Variants in PDGFC observed in about 807,000 individuals in gnomAD.
PDGFC encodes platelet derived growth factor C.
Under a neutral mutation model 35.5 loss-of-function variants are expected in PDGFC, and 12 were observed. The observed-to-expected ratio is 0.34, with a 90% CI of 0.22 to 0.55. The LOEUF is 0.55. PDGFC is among the 20% of genes least tolerant of loss of function. The pLI is 0.91. For missense variants in PDGFC, 322 were observed against 412.4 expected (o/e 0.78, Z 1.90); for synonymous variants, 159 against 148.8 (o/e 1.07, Z -0.50).
At chr4:156,806,753 A>T (rs1241485527) in intron 3 of PDGFC, among the ~76,000 whole-genome samples, 1 of 152,110 alleles carries the variant, frequency 6.6e-6, no homozygotes, top group East Asian at 1.9e-4. Context: ...ATTCTGGAGC[A>T]AAAGTTATTA....
chr4:156,926,928 T>C (rs1184987640), intron 1 of PDGFC, among the ~76,000 whole-genome samples: 1 of 152,164 alleles, frequency 6.6e-6, no homozygotes, highest in Non-Finnish European at 1.5e-5. Flanking sequence ...TAGCAGAGGT[T>C]CTCCATGACA....
At chr4:156,810,680 T>C (rs1266412560) in intron 3 of PDGFC, among the ~76,000 whole-genome samples, 157 bp downstream of exon 3, 1 of 152,082 alleles carries the variant, frequency 6.6e-6, no homozygotes, top group Admixed American at 6.6e-5. Flanking sequence ...AATGAATTGC[T>C]GGCTTGGCAT....
At chr4:156,862,755 T>C (rs1417613558) in intron 1 of PDGFC, among the ~76,000 whole-genome samples, 2 of 151,054 alleles carry the variant, frequency 1.3e-5, no homozygotes, top group Admixed American at 6.6e-5. Context: ...CCAGGCTGAG[T>C]GTAGTCTCTG....
rs187066063 is a variant in PDGFC at position 156,828,105 on chromosome 4, C to T, written c.315-17088G>A. 9.4e-4 allele frequency among the ~76,000 whole-genome samples: 143 copies of T among 152,322 alleles called. 2 individuals are homozygous for T. Among genetic ancestry groups the T allele is most frequent in the African/African-American group, 3.1e-3 (130 of 41,564 alleles). On this transcript the variant is annotated intron_variant, in intron 2 of 5. Coordinates refer to ENST00000502773, the MANE Select transcript of PDGFC (RefSeq NM_016205.3). ...TACCTCTTTCTCACTCTGTCACTTT[C>T]ACAAAACTCTTCCAAAGTGCTGACG...
intron 3 of PDGFC, among the ~76,000 whole-genome samples, chr4:156,786,261 G>A (rs570315743): frequency 8.4e-4 from 128 of 152,258 alleles, no homozygotes; most frequent in African/African-American, 3.0e-3. Context: ...TATTCTATTG[G>A]AGAAAAACAG....
At chr4:156,791,347 T>C (rs2110882136) in intron 3 of PDGFC, among the ~76,000 whole-genome samples, 1 of 152,358 alleles carries the variant, frequency 6.6e-6, no homozygotes, top group Non-Finnish European at 1.5e-5. Context: ...ACAATTATTA[T>C]TGTTGATATC....
chr4:156,928,037 A>T (rs182524806), intron 1 of PDGFC, among the ~76,000 whole-genome samples: 2 of 152,292 alleles, frequency 1.3e-5, no homozygotes, highest in South Asian at 2.1e-4. Flanking sequence ...AGGAAGATAC[A>T]AAAGCGGAAA....
chr4:156,898,268 C>G (rs1730683093), intron 1 of PDGFC, among the ~76,000 whole-genome samples: 1 of 152,118 alleles, frequency 6.6e-6, no homozygotes, highest in Non-Finnish European at 1.5e-5. Flanking sequence ...TCTTGGACTT[C>G]CCAGCCTCAA....
At chr4:156,928,159 G>A (rs940248438) in intron 1 of PDGFC, among the ~76,000 whole-genome samples, 5 of 152,214 alleles carry the variant, frequency 3.3e-5, no homozygotes, top group Non-Finnish European at 7.4e-5. Context: ...CCCACAACAC[G>A]TAGGAATTAT....
chr4:156,924,895 G>A (rs768547734), intron 1 of PDGFC, among the ~76,000 whole-genome samples: 8 of 152,186 alleles, frequency 5.3e-5, no homozygotes, highest in African/African-American at 1.9e-4. Flanking sequence ...CAGCAAAAAA[G>A]AGGCTCAAGC....
At chr4:156,915,056 C>T (rs991964111) in intron 1 of PDGFC, among the ~76,000 whole-genome samples, 8 of 152,036 alleles carry the variant, frequency 5.3e-5, no homozygotes, top group African/African-American at 1.7e-4. Flanking sequence ...CTCTCCAAAA[C>T]CACACACACA....
At chr4:156,788,177 C>T (rs1355645291) in intron 3 of PDGFC, among the ~76,000 whole-genome samples, 3 of 151,702 alleles carry the variant, frequency 2.0e-5, no homozygotes, top group Non-Finnish European at 4.4e-5. Context: ...GATAAGAAGT[C>T]AAACTAAGCA....
At chr4:156,770,112 T>C (rs1339579440) in intron 4 of PDGFC, 3 of 152,036 alleles carry the variant, frequency 2.0e-5, no homozygotes, top group Admixed American at 1.3e-4. Flanking sequence ...GTGAACTTAG[T>C]TGTGATACCT....
In PDGFC at chr4:156,850,411, G is replaced by A; in HGVS notation, c.124C>T (p.Gln42Ter). Residue 42 changes from glutamine (Q) to a stop codon, truncating the protein, a stop_gained, in exon 2 of 6, where the codon CAA becomes TAA. Transcript: ENST00000502773. LOFTEE classifies it high-confidence loss of function. The part of the protein sequence containing the change: ...FSSNKEQNGV[Q>*]DPQHERIITV... ...ATAATTCTCTCATGCTGAGGATCTT[G>A]TACTCCTAAAGCAAAAAACATAGAC... is the stretch of plus-strand genomic sequence containing the variant. 6.3e-7 allele frequency: 1 copy of A among 1,574,880 alleles called. No individual in the cohort carries two copies. Among genetic ancestry groups the A allele is most frequent in the Non-Finnish European group, 8.6e-7 (1 of 1,157,182 alleles).
chr4:156,844,963 T>A (rs1341422948), intron 2 of PDGFC, among the ~76,000 whole-genome samples: 1 of 151,946 alleles, frequency 6.6e-6, no homozygotes, highest in Non-Finnish European at 1.5e-5. Flanking sequence ...AATACACTAC[T>A]GCAAAAACAT....
At chr4:156,937,977 T>C (rs770192280) in intron 1 of PDGFC, among the ~76,000 whole-genome samples, 1 of 152,146 alleles carries the variant, frequency 6.6e-6, no homozygotes, top group Non-Finnish European at 1.5e-5. Flanking sequence ...TTAATATTGA[T>C]ACATTTACAA....
In PDGFC at chr4:156,952,540, A is replaced by G. The variant is rs80185146; in HGVS notation, c.118+18246T>C. On this transcript the variant is annotated intron_variant, in intron 1 of 5. Coordinates refer to ENST00000502773, the MANE Select transcript of PDGFC (RefSeq NM_016205.3). ...TTTAACCTGGTATCTACTGCAGTACAAAGAGCTAAGTCACACACAAAACGT... is the reference window on the plus strand; with the variant it reads ...TTTAACCTGGTATCTACTGCAGTACGAAGAGCTAAGTCACACACAAAACGT... 6.0e-3 allele frequency among the ~76,000 whole-genome samples: 913 copies of G among 151,984 alleles called. 13 individuals are homozygous for G. Among genetic ancestry groups the G allele is most frequent in the African/African-American group, 0.021 (870 of 41,550 alleles).
At chr4:156,921,840 G>C (rs539794173) in intron 1 of PDGFC, among the ~76,000 whole-genome samples, 3 of 152,180 alleles carry the variant, frequency 2.0e-5, no homozygotes, top group African/African-American at 7.2e-5. Flanking sequence ...TAGCTGCCTT[G>C]TCAATATTCT....
At chr4:156,783,994 T>A (rs1422446005) in intron 3 of PDGFC, among the ~76,000 whole-genome samples, 1 of 152,142 alleles carries the variant, frequency 6.6e-6, no homozygotes, top group Admixed American at 6.5e-5. Context: ...AACTATGTAA[T>A]ACAGGCAAAA....
Sources: allele counts gnomAD v4.1 joint callset (sites outside exome capture counted in the v4.1 genomes callset), GRCh38; gene constraint gnomAD v4.1.1; transcripts MANE v1.5; gene names NCBI Gene and HGNC (gene_info 2026-07-23, HGNC 2026-07-21).